Variants in SORCS2 observed in about 807,000 individuals in gnomAD.
SORCS2 encodes the protein VPS10 domain-containing receptor SorCS2.
In SORCS2, 100 loss-of-function variants were observed where a neutral mutation model predicts 141.6. The ratio of observed to expected loss-of-function variants is 0.71; its 90% CI spans 0.60 to 0.83. The LOEUF is 0.83. SORCS2 is among the 40% of genes least tolerant of loss of function. The pLI, the probability that SORCS2 is intolerant of heterozygous loss-of-function variation, is 0.00. For synonymous variants in SORCS2, 789 were observed against 676.9 expected (o/e 1.17, Z -2.57); for missense variants, 1,646 against 1,560.2 (o/e 1.05, Z -0.93).
chr4:7,676,875 C>G (rs56139990), intron 9 of SORCS2, among the ~76,000 whole-genome samples: 1,716 of 78,236 alleles, frequency 0.022, 337 homozygotes, highest in Non-Finnish European at 0.029. Context: ...CTCTCCCTCT[C>G]TGTGTCTGAA....
At chr4:7,594,799 G>A (rs1016244824) in intron 3 of SORCS2, among the ~76,000 whole-genome samples, 1 of 152,046 alleles carries the variant, frequency 6.6e-6, no homozygotes, top group Non-Finnish European at 1.5e-5. Flanking sequence ...ACGATGGGGC[G>A]AGGGTCACAG....
intron 3 of SORCS2, among the ~76,000 whole-genome samples, chr4:7,599,973 GCCA>G (rs774403070): frequency 1.4e-4 from 22 of 151,940 alleles, no homozygotes; most frequent in Non-Finnish European, 3.2e-4. Context: ...ACAGGTCTGT[GCCA>G]CCACAACCAG....
At chr4:7,385,941 C>A (rs1188486834) in intron 1 of SORCS2, among the ~76,000 whole-genome samples, 1 of 152,172 alleles carries the variant, frequency 6.6e-6, no homozygotes, top group African/African-American at 2.4e-5. Context: ...GTGTACCAGC[C>A]CCACTGGCAT....
intron 1 of SORCS2, among the ~76,000 whole-genome samples, chr4:7,327,555 T>C (rs1334509723): frequency 6.6e-6 from 1 of 152,146 alleles, no homozygotes; most frequent in Non-Finnish European, 1.5e-5. Flanking sequence ...CTGACCAGAG[T>C]CCCTGCTGGT....
chr4:7,712,374 A>G (rs1228147344), intron 14 of SORCS2, among the ~76,000 whole-genome samples: 2 of 152,222 alleles, frequency 1.3e-5, no homozygotes, highest in African/African-American at 2.4e-5. Flanking sequence ...AAACAATGCA[A>G]GGACCACTGT....
chr4:7,713,888 C>T (rs1220487614), intron 15 of SORCS2, among the ~76,000 whole-genome samples: 1 of 152,198 alleles, frequency 6.6e-6, no homozygotes, highest in Non-Finnish European at 1.5e-5. Flanking sequence ...CCCCTGAGGA[C>T]CCACTGTGTG....
chr4:7,209,215 A>T (rs529637001), intron 1 of SORCS2, among the ~76,000 whole-genome samples: 28 of 152,296 alleles, frequency 1.8e-4, no homozygotes, highest in African/African-American at 6.5e-4. Flanking sequence ...CCCCCTCCTC[A>T]GCTGGCTCTG....
intron 2 of SORCS2, among the ~76,000 whole-genome samples, chr4:7,504,266 C>T (rs1161746773): frequency 3.3e-5 from 5 of 152,212 alleles, no homozygotes; most frequent in Non-Finnish European, 4.4e-5. Flanking sequence ...CACTGTAATT[C>T]AAACTCAAAT....
At chr4:7,353,209 T>C (rs1721053835) in intron 1 of SORCS2, among the ~76,000 whole-genome samples, 1 of 151,752 alleles carries the variant, frequency 6.6e-6, no homozygotes, top group Non-Finnish European at 1.5e-5. Flanking sequence ...GCAGAGGTGG[T>C]GTTGGAGGTG....
Position 7,433,505 on chromosome 4 carries a change from G to T in SORCS2, c.548+37150G>T, listed in dbSNP as rs1244026864. On this transcript the variant is annotated intron_variant, in intron 2 of 26. Coordinates refer to ENST00000507866, the MANE Select transcript of SORCS2 (RefSeq NM_020777.3). ...CCCACCTTCTTGCACACAGCCACGG[G>T]GTCCATCATGTCCTTGAGACTCTCA... 1.9e-6 allele frequency: 3 copies of T among 1,603,464 alleles called. No individual in the cohort carries two copies. In the Admixed American group the frequency reaches 5.1e-5, roughly 27 times the overall value.
intron 2 of SORCS2, among the ~76,000 whole-genome samples, chr4:7,450,083 G>T (rs1418652518): frequency 6.6e-6 from 1 of 152,226 alleles, no homozygotes; most frequent in Non-Finnish European, 1.5e-5. Context: ...ATGGATGTGG[G>T]CAAGGCCCTT....
intron 8 of SORCS2, among the ~76,000 whole-genome samples, chr4:7,668,440 A>C (rs902690966): frequency 3.3e-5 from 5 of 152,148 alleles, no homozygotes; most frequent in Non-Finnish European, 7.4e-5. Context: ...TGGAGGGCAG[A>C]GCAGGCGCTA....
chr4:7,254,522 G>C (rs1713717363), intron 1 of SORCS2, among the ~76,000 whole-genome samples: 1 of 152,168 alleles, frequency 6.6e-6, no homozygotes, highest in Non-Finnish European at 1.5e-5. Flanking sequence ...ACTCGGATGG[G>C]TGGCAGGAGC....
chr4:7,520,327 T>G (rs993232316), intron 2 of SORCS2, among the ~76,000 whole-genome samples: 1 of 152,206 alleles, frequency 6.6e-6, no homozygotes, highest in South Asian at 2.1e-4. Flanking sequence ...CCAATTCTCA[T>G]GCAGTCAGTG....
intron 19 of SORCS2, among the ~76,000 whole-genome samples, chr4:7,724,486 GTGGTGGTGGTGA>G (rs1726928179): frequency 1.5e-5 from 1 of 65,352 alleles, no homozygotes; most frequent in African/African-American, 6.8e-5. Flanking sequence ...GGTGGTGATG[GTGGTGGTGGTGA>G]CAATGGTGGT....
chr4:7,601,980 G>A (rs560271147), intron 3 of SORCS2, among the ~76,000 whole-genome samples: 37 of 152,332 alleles, frequency 2.4e-4, no homozygotes, highest in African/African-American at 8.2e-4. Flanking sequence ...AGAGCACGGG[G>A]TTGGGGGTAA....
chr4:7,537,042 G>A (rs1375076871), intron 3 of SORCS2, among the ~76,000 whole-genome samples: 1 of 152,204 alleles, frequency 6.6e-6, no homozygotes, highest in Non-Finnish European at 1.5e-5. Flanking sequence ...GGCTCCTGAG[G>A]CACCCTTGCA....
At chr4:7,290,470 T>C (rs1303966993) in intron 1 of SORCS2, among the ~76,000 whole-genome samples, 1 of 152,206 alleles carries the variant, frequency 6.6e-6, no homozygotes, top group Non-Finnish European at 1.5e-5. Context: ...TTTCCCTTCC[T>C]GGATTTTTCT....
intron 1 of SORCS2, among the ~76,000 whole-genome samples, chr4:7,373,933 T>C (rs1722442804): frequency 6.6e-6 from 1 of 152,210 alleles, no homozygotes; most frequent in East Asian, 1.9e-4. Context: ...TATAGATTAA[T>C]ATTTTTTATG....
Sources: gnomAD v4.1 joint callset for allele counts (sites outside exome capture counted in the v4.1 genomes callset) on GRCh38, gnomAD v4.1.1 for gene constraint, MANE v1.5 for transcripts, NCBI Gene and HGNC (gene_info 2026-07-23, HGNC 2026-07-21) for gene names.